Variants in NYAP2 observed in about 807,000 individuals in gnomAD.
The protein encoded by NYAP2 is neuronal tyrosine-phosphorylated phosphoinositide-3-kinase adaptor 2.
Under a neutral mutation model 50.4 loss-of-function variants are expected in NYAP2, and 23 were observed. The ratio of observed to expected loss-of-function variants is 0.46; its 90% confidence interval spans 0.33 to 0.65. NYAP2 has a LOEUF of 0.65. NYAP2 is among the 30% of genes least tolerant of loss of function. The pLI is 0.02. For synonymous variants in NYAP2, 394 were observed against 365.2 expected (o/e 1.08, Z -0.90); for missense variants, 885 against 861.0 (o/e 1.03, Z -0.35).
At position 225,534,657 on chromosome 2, in the gene NYAP2, A is replaced by G. The variant is rs149668140; in HGVS notation, c.523+20985A>G. Among the ~76,000 whole-genome samples, 1,352 of 152,324 alleles carry G rather than the reference A, an allele frequency of 8.9e-3. 7 individuals are homozygous for G. Among genetic ancestry groups the G allele is most frequent in the Admixed American group, 0.021 (319 of 15,304 alleles). On this transcript the variant is annotated intron_variant, in intron 4 of 6. Coordinates refer to ENST00000636099, the Ensembl canonical transcript of NYAP2. ...ACATCATCTTGATATTTGAGCTAAA[A>G]TATTGTATCAGTCTAGGCCCGACAG...
chr2:225,505,697 A>T (rs907123820), intron 3 of NYAP2, among the ~76,000 whole-genome samples: 1 of 152,240 alleles, frequency 6.6e-6, no homozygotes, highest in Admixed American at 6.5e-5. Context: ...GCAGATTATT[A>T]TACTGGTTCA....
chr2:225,436,623 A>T (rs1689381552), intron 3 of NYAP2, among the ~76,000 whole-genome samples: 1 of 151,912 alleles, frequency 6.6e-6, no homozygotes, highest in Non-Finnish European at 1.5e-5. Flanking sequence ...GGGAGTTAAG[A>T]CTTCAACATA....
chr2:225,515,040 A>G (rs1189413996), intron 4 of NYAP2, among the ~76,000 whole-genome samples: 1 of 152,096 alleles, frequency 6.6e-6, no homozygotes, highest in Non-Finnish European at 1.5e-5. Flanking sequence ...CTCTCCCATC[A>G]TCTTTGTCTC....
chr2:225,521,483 AG>A (rs1322914219), intron 4 of NYAP2, among the ~76,000 whole-genome samples: 3 of 151,950 alleles, frequency 2.0e-5, no homozygotes, highest in Non-Finnish European at 4.4e-5. Context: ...TTTAGCATGA[AG>A]GGTTGTTGAA....
chr2:225,668,956 CTTTTTTTTTTT>C, the NYAP2 span, among the ~76,000 whole-genome samples: 409 of 69,574 alleles, frequency 5.9e-3, 5 homozygotes, highest in African/African-American at 0.021. Context: ...GTGTCCCCTG[CTTTTTTTTTTT>C]TTTTTTTTTT....
rs181789409 is a variant in NYAP2 at position 225,649,420 on chromosome 2, C to T, written c.1829-2012C>T. On this transcript the variant is annotated intron_variant, in intron 6 of 6. Transcript: ENST00000636099. ...CAGGTGTTAATTACTGCAGCTTCTT[C>T]AGGGTCTCTCCTTGCCCTGCTCCCC... Among the ~76,000 whole-genome samples, 548 of 152,282 alleles carry T rather than the reference C, an allele frequency of 3.6e-3. 6 individuals carry two copies. The highest frequency in any genetic ancestry group is 6.4e-3 in the Non-Finnish European group (437 of 68,012).
At chr2:225,602,676 T>C (rs1458445868) in intron 5 of NYAP2, among the ~76,000 whole-genome samples, 2 of 152,210 alleles carry the variant, frequency 1.3e-5, no homozygotes, top group Non-Finnish European at 2.9e-5. Context: ...TCTATTCTTT[T>C]ACATATGGAT....
intron 3 of NYAP2, among the ~76,000 whole-genome samples, chr2:225,453,892 G>T (rs1291375053): frequency 6.7e-6 from 1 of 148,854 alleles, no homozygotes; most frequent in Non-Finnish European, 1.5e-5. Context: ...GGCCAGGCTG[G>T]TCTTGAGCTC....
intron 3 of NYAP2, among the ~76,000 whole-genome samples, chr2:225,452,564 C>A (rs529863957): frequency 6.6e-6 from 1 of 152,232 alleles, no homozygotes; most frequent in Admixed American, 6.5e-5. Context: ...CACTTAGGGC[C>A]TCAATAGACA....
intron 4 of NYAP2, among the ~76,000 whole-genome samples, chr2:225,550,784 G>A (rs549216062): frequency 6.6e-6 from 1 of 152,114 alleles, no homozygotes; most frequent in South Asian, 2.1e-4. Flanking sequence ...AAGAAATAAA[G>A]CCCATCAGGG....
At chr2:225,670,331 G>C in the NYAP2 span, among the ~76,000 whole-genome samples, 1 of 152,050 alleles carries the variant, frequency 6.6e-6, no homozygotes, top group South Asian at 2.1e-4. Context: ...AATGTTGTAC[G>C]GGGAGAGGTC....
intron 4 of NYAP2, among the ~76,000 whole-genome samples, chr2:225,534,952 C>T (rs2106199501): frequency 6.6e-6 from 1 of 152,296 alleles, no homozygotes; most frequent in Admixed American, 6.5e-5. Context: ...CAAGGCAGGA[C>T]TTGCTGGAAA....
chr2:225,679,931 C>G, the NYAP2 span, among the ~76,000 whole-genome samples: 5 of 152,272 alleles, frequency 3.3e-5, no homozygotes, highest in East Asian at 9.7e-4. Flanking sequence ...TACCACCCAG[C>G]TCTTGAGAGT....
At chr2:225,411,921 C>A (rs889807649) in intron 3 of NYAP2, among the ~76,000 whole-genome samples, 2 of 150,742 alleles carry the variant, frequency 1.3e-5, no homozygotes, top group Admixed American at 1.3e-4. Flanking sequence ...GGATTTGAAG[C>A]ATAATATAAA....
At chr2:225,549,464 T>A (rs1691636207) in intron 4 of NYAP2, among the ~76,000 whole-genome samples, 1 of 152,156 alleles carries the variant, frequency 6.6e-6, no homozygotes, top group African/African-American at 2.4e-5. Flanking sequence ...ATGGAACAAA[T>A]GAATACTTGA....
At chr2:225,626,350 T>A (rs1693209996) in intron 5 of NYAP2, among the ~76,000 whole-genome samples, 1 of 152,166 alleles carries the variant, frequency 6.6e-6, no homozygotes, top group Non-Finnish European at 1.5e-5. Context: ...GAACAACCAG[T>A]GTGCCAGGGA....
At chr2:225,530,963 T>C (rs528387638) in intron 4 of NYAP2, among the ~76,000 whole-genome samples, 7 of 152,336 alleles carry the variant, frequency 4.6e-5, no homozygotes, top group African/African-American at 1.7e-4. Flanking sequence ...GTTTCCCACC[T>C]GGACAATTGC....
chr2:225,455,263 T>C (rs1400949299), intron 3 of NYAP2, among the ~76,000 whole-genome samples: 1 of 152,226 alleles, frequency 6.6e-6, no homozygotes, highest in Non-Finnish European at 1.5e-5. Flanking sequence ...TAAGTTCTGA[T>C]AGTTGGTTAC....
chr2:225,496,246 A>C (rs960383291), intron 3 of NYAP2, among the ~76,000 whole-genome samples: 1 of 152,106 alleles, frequency 6.6e-6, no homozygotes, highest in African/African-American at 2.4e-5. Context: ...TTACAGAGGG[A>C]GTGAGGTTAC....
Sources: gnomAD v4.1 joint callset for allele counts (sites outside exome capture counted in the v4.1 genomes callset) on GRCh38, gnomAD v4.1.1 for gene constraint, MANE v1.5 for transcripts, NCBI Gene and HGNC (gene_info 2026-07-23, HGNC 2026-07-21) for gene names.